IL12B: variants seen among roughly 807,000 people sequenced by gnomAD.
IL12B encodes interleukin-12 subunit beta.
A neutral mutation model predicts 39.2 loss-of-function variants in IL12B; 27 were observed. The ratio of observed to expected loss-of-function variants is 0.69; its 90% CI spans 0.51 to 0.95. The LOEUF is 0.95. Among genes scored for constraint, IL12B ranks in the 40% least tolerant of loss-of-function variants. The probability of loss-of-function intolerance (pLI) is 0.00; values close to 1 mark genes in which losing one functional copy is unlikely to be tolerated. For synonymous variants in IL12B, 142 were observed against 152.1 expected (o/e 0.93, Z 0.49); for missense variants, 351 against 397.6 (o/e 0.88, Z 1.00).
At chr5:159,329,819 T>TC (rs971710614) in intron 1 of IL12B, among the ~76,000 whole-genome samples, 1 of 152,122 alleles carries the variant, frequency 6.6e-6, no homozygotes, top group South Asian at 2.1e-4. Flanking sequence ...AACCTTTTTT[T>TC]CCCCCTTCTC....
At position 159,321,603 on chromosome 5, in the gene IL12B, A is replaced by G. The variant is rs1261753763; in HGVS notation, c.482+791T>C. Among the ~76,000 whole-genome samples, 3 of 152,246 alleles carry G rather than the reference A, an allele frequency of 2.0e-5. No individual in the cohort carries two copies. The East Asian group carries it at 5.8e-4, about 29-fold the overall frequency. ...ATGGGTTGGGTTATCCACTTCAATG[A>G]CTGCACATTAAGCAAGAGTATAGTG... On this transcript the variant is annotated intron_variant, in intron 4 of 7. Transcript: ENST00000231228.
At position 159,320,434 on chromosome 5, in the gene IL12B, G is replaced by A. The variant is rs764913762; in HGVS notation, c.569C>T (p.Ser190Leu). ...GGCACTGTCCTCCTGGCACTCCACT[G>A]AGTACTCATACTCCTTGTTGTCCCC... ...VRGDNKEYEYSVECQEDSACP... is the reference protein window; with the variant it reads ...VRGDNKEYEYLVECQEDSACP... The change falls in exon 5 of 8, where the codon TCA (serine) becomes TTA (leucine). Residue 190 changes from serine (S) to leucine (L), a missense_variant. Transcript: ENST00000231228. 17 of 1,613,938 alleles carry A rather than the reference G, an allele frequency of 1.1e-5. No homozygotes were observed. In the African/African-American group the frequency reaches 2.0e-4, roughly 19 times the overall value.
At chr5:159,317,146 C>A (rs1754002832) in intron 6 of IL12B, among the ~76,000 whole-genome samples, 1 of 152,196 alleles carries the variant, frequency 6.6e-6, no homozygotes, top group Admixed American at 6.5e-5. Flanking sequence ...TTTGCTCTAG[C>A]CATCCCTGAG....
At chr5:159,329,741 G>A (rs1754245678) in intron 1 of IL12B, among the ~76,000 whole-genome samples, 1 of 151,942 alleles carries the variant, frequency 6.6e-6, no homozygotes, top group African/African-American at 2.4e-5. Context: ...GTCATCACCT[G>A]GGGTTTAGTA....
In IL12B at chr5:159,316,702, A is replaced by G; in HGVS notation, c.970T>C (p.Ser324Pro). The change falls in exon 7 of 8, where the codon TCT becomes CCT. Residue 324 changes from serine (S) to proline (P), a missense_variant. Transcript: ENST00000231228. Reference sequence around the variant, plus strand: ...CTGCTCACCTAACTGCAGGGCACAGATGCCCATTCGCTCCAAGATGAGCTA... The same window carrying G: ...CTGCTCACCTAACTGCAGGGCACAGGTGCCCATTCGCTCCAAGATGAGCTA... Reference protein sequence around the residue: ...YYSSSWSEWASVPCS With the variant: ...YYSSSWSEWAPVPCS 6.2e-7 allele frequency: 1 copy of G among 1,613,468 alleles called. No homozygotes were observed. The highest frequency in any genetic ancestry group is 8.5e-7 in the Non-Finnish European group (1 of 1,179,826).
At chr5:159,330,253 C>T (rs1027285038) in intron 1 of IL12B, among the ~76,000 whole-genome samples, 179 bp downstream of exon 1, 6 of 152,294 alleles carry the variant, frequency 3.9e-5, no homozygotes, top group South Asian at 2.1e-4. Flanking sequence ...CACTGTACAT[C>T]GGTCCCTAGA....
At chr5:159,319,900 C>T (rs1754057816) in intron 5 of IL12B, among the ~76,000 whole-genome samples, 1 of 152,148 alleles carries the variant, frequency 6.6e-6, no homozygotes, top group Non-Finnish European at 1.5e-5. Context: ...AGAAAGAAGT[C>T]CCTTTTCAAA....
intron 5 of IL12B, among the ~76,000 whole-genome samples, 169 bp downstream of exon 5, chr5:159,320,137 C>T (rs938852408): frequency 3.9e-5 from 6 of 152,174 alleles, no homozygotes; most frequent in African/African-American, 1.4e-4. Flanking sequence ...GACTCAATTT[C>T]CTCTTCCTTA....
In IL12B at chr5:159,315,619, A is replaced by G. The variant is rs1308896416; in HGVS notation, c.*482T>C. 4 of 152,670 alleles carry G rather than the reference A, an allele frequency of 2.6e-5. No homozygotes were observed. The highest frequency in any genetic ancestry group is 5.9e-5 in the Non-Finnish European group (4 of 68,018). The allele number at this position is 152,670 out of a possible 1,614,324, so 9.5% of individuals were successfully genotyped here. A position where few individuals can be genotyped will look rare whatever the true frequency, so the allele number is the denominator to read the frequency against. The stretch of plus-strand genomic sequence containing the variant: ...TATCTCTTGCGTTCCCATCCATCAC[A>G]AGTGTATGATGGCACTGGTATCAGA... On this transcript the variant is annotated 3_prime_UTR_variant, in exon 8 of 8. Coordinates refer to ENST00000231228, the MANE Select transcript of IL12B (RefSeq NM_002187.3).
At chr5:159,319,846 C>T (rs1754057122) in intron 5 of IL12B, among the ~76,000 whole-genome samples, 1 of 151,822 alleles carries the variant, frequency 6.6e-6, no homozygotes, top group Non-Finnish European at 1.5e-5. Flanking sequence ...CCCTATCTGC[C>T]AATTAAAAAA....
At chr5:159,324,586 G>C (rs770231837) in intron 2 of IL12B, among the ~76,000 whole-genome samples, 105 of 152,342 alleles carry the variant, frequency 6.9e-4, no homozygotes, top group Non-Finnish European at 1.0e-3. Flanking sequence ...CAGTGGTTGA[G>C]AGCCTGCATT....
chr5:159,323,060 G>A lies in IL12B; in HGVS notation c.358C>T (p.Gln120Ter). The A allele has an allele frequency of 1.2e-6, 2 of 1,613,922 alleles. No homozygotes were observed. Among genetic ancestry groups the A allele is most frequent in the Admixed American group, 3.3e-5 (2 of 60,004 alleles). ...TCCAAGGGTATAGAATTACCTTTCT[G>A]GTCCTTTAAAATATCAGTGGACCAA... ...GIWSTDILKD[Q>*]KEPKNKTFLR... Residue 120 changes from glutamine (Q) to a stop codon, truncating the protein, a stop_gained, in exon 3 of 8, where the codon CAG becomes TAG. Transcript: ENST00000231228. LOFTEE classifies it high-confidence loss of function.
At chr5:159,321,697 T>C (rs1197967667) in intron 4 of IL12B, among the ~76,000 whole-genome samples, 5 of 152,198 alleles carry the variant, frequency 3.3e-5, no homozygotes, top group African/African-American at 1.2e-4. Context: ...ATTTCTTTAG[T>C]AAGCATTTTC....
At chr5:159,316,662 C>T (rs11574791) in intron 7 of IL12B, 23 bp downstream of exon 7, 1 of 1,606,472 alleles carries the variant, frequency 6.2e-7, no homozygotes, top group Non-Finnish European at 8.5e-7. Context: ...CAGGCCTGGG[C>T]TGGCCTTTGA....
Position 159,316,778 on chromosome 5 carries a change from G to A in IL12B, c.894C>T (p.Val298=), listed in dbSNP as rs1298564344. 1.2e-6 allele frequency: 2 copies of A among 1,614,074 alleles called. No homozygotes were observed. Among genetic ancestry groups the A allele is most frequent in the African/African-American group, 2.7e-5 (2 of 75,054 alleles). The change falls in exon 7 of 8, where the codon GTC becomes GTT. Residue 298 remains valine (V), a synonymous_variant. Transcript: ENST00000231228. ...TAATGCTGGCATTTTTGCGGCAGAT[G>A]ACCGTGGCTGAGGTCTTGTCCGTGA... The part of the protein sequence containing the change: ...RVFTDKTSAT[V]ICRKNASISV...
chr5:159,320,387 G>C lies in IL12B; in HGVS notation c.616C>G (p.Leu206Val). 1 of 1,614,162 alleles carries C rather than the reference G, an allele frequency of 6.2e-7. No homozygotes were observed. The highest frequency in any genetic ancestry group is 2.2e-5 in the East Asian group (1 of 44,890). The change falls in exon 5 of 8, where the codon CTG becomes GTG. Residue 206 changes from leucine (L) to valine (V), a missense_variant. Coordinates refer to ENST00000231228, the MANE Select transcript of IL12B (RefSeq NM_002187.3). ...GCATCCACCATGACCTCAATGGGCA[G>C]ACTCTCCTCAGCAGCTGGGCAGGCA... ...DSACPAAEES[L>V]PIEVMVDAVH...
intron 5 of IL12B, 42 bp downstream of exon 5, chr5:159,320,264 G>T: frequency 6.5e-7 from 1 of 1,536,184 alleles, no homozygotes; most frequent in South Asian, 1.1e-5. Flanking sequence ...GTGACAAATA[G>T]TATCTTTCCT....
chr5:159,318,898 G>T lies in IL12B; in HGVS notation c.698-5C>A, dbSNP rs1754036332. 1.9e-6 allele frequency: 3 copies of T among 1,612,996 alleles called. No individual in the cohort carries two copies. In the African/African-American group the frequency reaches 4.0e-5, roughly 22 times the overall value. On this transcript the variant is annotated splice_region_variant and splice_polypyrimidine_tract_variant and intron_variant, in intron 5 of 7. Coordinates refer to ENST00000231228, the MANE Select transcript of IL12B (RefSeq NM_002187.3). ...TCTTGGGTGGGTCAGGTTTGACTGT[G>T]GAAGAGGATAAACATGCTTTATTTT...
chr5:159,329,944 A>G (rs970487877), intron 1 of IL12B, among the ~76,000 whole-genome samples: 1 of 152,190 alleles, frequency 6.6e-6, no homozygotes, highest in East Asian at 1.9e-4. Context: ...TGATATCACA[A>G]CTGACGACCA....
Sources: allele counts gnomAD v4.1 joint callset (sites outside exome capture counted in the v4.1 genomes callset), GRCh38; gene constraint gnomAD v4.1.1; transcripts MANE v1.5; gene names NCBI Gene and HGNC (gene_info 2026-07-23, HGNC 2026-07-21).